PDZRN3: variants seen among roughly 807,000 people sequenced by gnomAD.
The protein encoded by PDZRN3 is E3 ubiquitin-protein ligase PDZRN3.
Under a neutral mutation model 85.7 loss-of-function variants are expected in PDZRN3, and 38 were observed. The ratio of observed to expected loss-of-function variants is 0.44; its 90% CI spans 0.34 to 0.58. PDZRN3 has a LOEUF of 0.58. PDZRN3 is among the 20% of genes least tolerant of loss of function. The pLI is 0.01. For missense variants in PDZRN3, 1,629 were observed against 1,506.4 expected (o/e 1.08, Z -1.35); for synonymous variants, 759 against 638.0 (o/e 1.19, Z -2.86).
intron 2 of PDZRN3, among the ~76,000 whole-genome samples, chr3:73,607,307 G>A (rs1702615803): frequency 6.6e-6 from 1 of 152,030 alleles, no homozygotes; most frequent in African/African-American, 2.4e-5. Flanking sequence ...TATTCGTTTG[G>A]TACTGTGTAC....
At chr3:73,456,378 C>T (rs1295940534) in intron 3 of PDZRN3, among the ~76,000 whole-genome samples, 1 of 152,142 alleles carries the variant, frequency 6.6e-6, no homozygotes, top group Non-Finnish European at 1.5e-5. Context: ...AACAAAGTCC[C>T]AAGTGAGCCA....
intron 3 of PDZRN3, among the ~76,000 whole-genome samples, chr3:73,572,510 C>T (rs972168836): frequency 2.0e-5 from 3 of 152,186 alleles, no homozygotes; most frequent in African/African-American, 7.2e-5. Flanking sequence ...ACATGTATGT[C>T]AGAAAACCAG....
intron 9 of PDZRN3, among the ~76,000 whole-genome samples, 167 bp from the exon 10 acceptor site, chr3:73,385,097 C>T (rs1701338369): frequency 6.6e-6 from 1 of 152,230 alleles, no homozygotes; most frequent in African/African-American, 2.4e-5. Flanking sequence ...CTTAGCTACA[C>T]CTACCCGTAT....
intron 3 of PDZRN3, among the ~76,000 whole-genome samples, chr3:73,500,535 T>TA (rs1007757745): frequency 2.0e-5 from 3 of 152,128 alleles, no homozygotes; most frequent in Admixed American, 6.6e-5. Flanking sequence ...ATGGCTCCAC[T>TA]CTATATAAGT....
intron 3 of PDZRN3, among the ~76,000 whole-genome samples, chr3:73,476,976 G>A (rs577430795): frequency 6.6e-6 from 1 of 152,110 alleles, no homozygotes; most frequent in Admixed American, 6.5e-5. Context: ...CTAAATATTA[G>A]GCCAATCTGT....
chr3:73,523,005 GT>G (rs377137629), intron 3 of PDZRN3, among the ~76,000 whole-genome samples: 2 of 151,870 alleles, frequency 1.3e-5, no homozygotes, highest in African/African-American at 2.4e-5. Flanking sequence ...AAAAGGAAGA[GT>G]TTTTTTTGTT....
intron 3 of PDZRN3, among the ~76,000 whole-genome samples, chr3:73,410,874 G>A (rs1461801719): frequency 6.6e-6 from 1 of 152,176 alleles, no homozygotes; most frequent in Non-Finnish European, 1.5e-5. Context: ...CAGTATATCT[G>A]AACCAGTATG....
At chr3:73,553,446 C>T (rs1343595179) in intron 3 of PDZRN3, among the ~76,000 whole-genome samples, 1 of 151,934 alleles carries the variant, frequency 6.6e-6, no homozygotes, top group Non-Finnish European at 1.5e-5. Context: ...CGTGGTGGCA[C>T]ATGCCTGTAA....
intron 3 of PDZRN3, among the ~76,000 whole-genome samples, chr3:73,509,546 C>T (rs188047628): frequency 3.7e-4 from 57 of 152,258 alleles, no homozygotes; most frequent in African/African-American, 1.2e-3. Context: ...CTCAAAGGGG[C>T]GTTCCCTCAG....
chr3:73,384,850 C>A lies in PDZRN3; in HGVS notation c.1716G>T (p.Gly572=). Reference sequence around the variant, plus strand: ...CATTACGGGTGCTCTCGTCGGTCCGCCCCACACCGCTGTCCTTCTCGTGCT... The same window carrying A: ...CATTACGGGTGCTCTCGTCGGTCCGACCCACACCGCTGTCCTTCTCGTGCT... ...SNQHEKDSGV[G]RTDESTRNDE... is the part of the protein sequence containing the mutation. The change falls in exon 10 of 10, where the codon GGG becomes GGT. Residue 572 remains glycine (G), a synonymous_variant. Coordinates refer to ENST00000263666, the MANE Select transcript of PDZRN3 (RefSeq NM_015009.3). The A allele has an allele frequency of 6.2e-7, 1 of 1,614,160 alleles. No individual in the cohort carries two copies. The highest frequency in any genetic ancestry group is 8.5e-7 in the Non-Finnish European group (1 of 1,180,024).
chr3:73,408,952 T>C (rs1051617916), intron 3 of PDZRN3, among the ~76,000 whole-genome samples: 2 of 152,124 alleles, frequency 1.3e-5, no homozygotes, highest in African/African-American at 4.8e-5. Context: ...CCAGTGACGT[T>C]TGGCCCGGTC....
At chr3:73,396,630 A>C (rs1476403218) in intron 5 of PDZRN3, among the ~76,000 whole-genome samples, 3 of 152,158 alleles carry the variant, frequency 2.0e-5, no homozygotes, top group Non-Finnish European at 4.4e-5. Context: ...CTCCTATTGA[A>C]ATTGTAGTTT....
chr3:73,477,854 C>T (rs1447874389), intron 3 of PDZRN3, among the ~76,000 whole-genome samples: 1 of 152,098 alleles, frequency 6.6e-6, no homozygotes, highest in African/African-American at 2.4e-5. Context: ...GAATAAAGAG[C>T]AAAGGCATGT....
intron 5 of PDZRN3, 58 bp from the exon 6 acceptor site, chr3:73,391,174 T>A (rs902454904): frequency 5.0e-6 from 5 of 991,924 alleles, no homozygotes; most frequent in Non-Finnish European, 8.1e-6. Context: ...GTTGAGGGGA[T>A]GTCAAATGCT....
chr3:73,489,467 T>G (rs539355109), intron 3 of PDZRN3, among the ~76,000 whole-genome samples: 1 of 152,040 alleles, frequency 6.6e-6, no homozygotes, highest in Admixed American at 6.6e-5. Context: ...CTATCACAAA[T>G]AGTGTAAGAT....
In PDZRN3 at chr3:73,389,698, G is replaced by A. The variant is rs549644810; in HGVS notation, c.1416+118C>T. 2.0e-4 allele frequency: 154 copies of A among 755,852 alleles called. 1 individual carries two copies. Among genetic ancestry groups the A allele is most frequent in the South Asian group, 1.7e-3 (112 of 66,816 alleles). The allele number at this position is 755,852 out of a possible 1,614,324, so 46.8% of individuals were successfully genotyped here. A position where few individuals can be genotyped will look rare whatever the true frequency, so the allele number is the denominator to read the frequency against. On this transcript the variant is annotated intron_variant, in intron 7 of 9. Coordinates refer to ENST00000263666, the MANE Select transcript of PDZRN3 (RefSeq NM_015009.3). Reference sequence around the variant, plus strand: ...TTGTCTGGCCTCACTACACATCTGCGTTTGTGATCCCTGTTCTTTAACCGC... The same window carrying A: ...TTGTCTGGCCTCACTACACATCTGCATTTGTGATCCCTGTTCTTTAACCGC...
intron 3 of PDZRN3, among the ~76,000 whole-genome samples, chr3:73,474,072 T>C (rs1703401265): frequency 6.6e-6 from 1 of 152,238 alleles, no homozygotes; most frequent in African/African-American, 2.4e-5. Context: ...GTCCATGTTC[T>C]TAACCACAGT....
At chr3:73,602,577 G>A (rs1014201095) in intron 2 of PDZRN3, 116 bp from the exon 3 acceptor site, 7 of 634,090 alleles carry the variant, frequency 1.1e-5, no homozygotes, top group Non-Finnish European at 1.4e-5. Flanking sequence ...TGGCAATAGG[G>A]TAAAAGGTAT....
chr3:73,456,718 G>T (rs935092864), intron 3 of PDZRN3, among the ~76,000 whole-genome samples: 15 of 152,280 alleles, frequency 9.9e-5, no homozygotes, highest in African/African-American at 3.6e-4. Flanking sequence ...GATAGGTTAA[G>T]CAAGATACGT....
Sources: gnomAD v4.1 joint callset for allele counts (sites outside exome capture counted in the v4.1 genomes callset) on GRCh38, gnomAD v4.1.1 for gene constraint, MANE v1.5 for transcripts, NCBI Gene and HGNC (gene_info 2026-07-23, HGNC 2026-07-21) for gene names.